TLL1: variants seen among roughly 807,000 people sequenced by gnomAD.
TLL1 encodes the protein tolloid like 1.
A neutral mutation model predicts 128.2 loss-of-function variants in TLL1; 49 were observed. The observed-to-expected ratio is 0.38, with a 90% confidence interval of 0.30 to 0.48. The LOEUF (loss-of-function observed/expected upper bound fraction) is 0.48, where lower values mean the gene tolerates loss of function less well. Ranked by LOEUF, TLL1 falls within the 20% of genes least tolerant of loss-of-function variation. The probability of loss-of-function intolerance (pLI) is 0.96; values close to 1 mark genes in which losing one functional copy is unlikely to be tolerated. For missense variants in TLL1, 1,123 were observed against 1,242.0 expected (o/e 0.90, Z 1.44); for synonymous variants, 454 against 418.8 (o/e 1.08, Z -1.03).
chr4:165,918,731 T>A (rs1732896430), intron 1 of TLL1, among the ~76,000 whole-genome samples: 1 of 152,140 alleles, frequency 6.6e-6, no homozygotes, highest in African/African-American at 2.4e-5. Context: ...TCCTCTAGTT[T>A]GTGTTTTTTA....
intron 1 of TLL1, among the ~76,000 whole-genome samples, chr4:165,981,304 C>T (rs562957261): frequency 6.6e-6 from 1 of 152,036 alleles, no homozygotes; most frequent in Non-Finnish European, 1.5e-5. Flanking sequence ...ATAAAATGCA[C>T]AGAAACCTGT....
chr4:165,975,833 T>A (rs1313659253), intron 1 of TLL1, among the ~76,000 whole-genome samples: 1 of 151,158 alleles, frequency 6.6e-6, no homozygotes, highest in African/African-American at 2.4e-5. Context: ...AGGTCAGGAG[T>A]TCGAGACCAG....
At chr4:166,007,812 G>A in intron 6 of TLL1, 131 bp from the exon 7 acceptor site, 1 of 698,758 alleles carries the variant, frequency 1.4e-6, no homozygotes, top group South Asian at 1.5e-5. Flanking sequence ...GTGCCTGTGT[G>A]TTTTGTATGT....
At chr4:166,054,290 T>C (rs1739897349) in intron 12 of TLL1, among the ~76,000 whole-genome samples, 2 of 152,132 alleles carry the variant, frequency 1.3e-5, no homozygotes, top group South Asian at 4.1e-4. Flanking sequence ...AGAACAGTAA[T>C]CCCATATTAT....
chr4:165,874,084 C>T lies in TLL1; in HGVS notation c.169+11C>T. ...ACCCGTGTAAAGCCGGTAAGTGGCT[C>T]TCCAGGTTGGGACGGTGGCGCGCCG... On this transcript the variant is annotated intron_variant, in intron 1 of 20. Transcript: ENST00000061240. 1 of 1,614,078 alleles carries T rather than the reference C, an allele frequency of 6.2e-7. No homozygotes were observed. The highest frequency in any genetic ancestry group is 8.5e-7 in the Non-Finnish European group (1 of 1,179,984).
intron 8 of TLL1, among the ~76,000 whole-genome samples, chr4:166,020,390 TG>T (rs1738165179): frequency 6.6e-6 from 1 of 152,170 alleles, no homozygotes; most frequent in Admixed American, 6.5e-5. Context: ...GGGAGGAGAA[TG>T]GTTATTATTA....
chr4:165,875,492 T>C (rs1013325533), intron 1 of TLL1, among the ~76,000 whole-genome samples: 1 of 152,214 alleles, frequency 6.6e-6, no homozygotes, highest in African/African-American at 2.4e-5. Context: ...CTCAGAATTC[T>C]GATTTAATTC....
chr4:166,030,466 T>G (rs1261327142), intron 9 of TLL1: 2 of 606,936 alleles, frequency 3.3e-6, no homozygotes, highest in Non-Finnish European at 3.0e-6. Context: ...GTATTTTCAC[T>G]CTGTTGATTG....
intron 1 of TLL1, among the ~76,000 whole-genome samples, chr4:165,899,115 C>G (rs752773231): frequency 6.7e-6 from 1 of 148,562 alleles, no homozygotes; most frequent in African/African-American, 2.4e-5. Context: ...TTTGATTCTT[C>G]TGTCTTTTGT....
At chr4:166,098,067 C>T (rs1579741648) in intron 19 of TLL1, among the ~76,000 whole-genome samples, 1 of 152,078 alleles carries the variant, frequency 6.6e-6, no homozygotes, top group Non-Finnish European at 1.5e-5. Context: ...GGTGTGGTGG[C>T]TCATGCATGT....
chr4:166,067,938 G>T (rs768034009), intron 16 of TLL1, among the ~76,000 whole-genome samples: 1 of 151,780 alleles, frequency 6.6e-6, no homozygotes, highest in Non-Finnish European at 1.5e-5. Context: ...CGTAAGAACT[G>T]ATCATGACCT....
chr4:166,099,411 T>G lies in TLL1; in HGVS notation c.2791T>G (p.Leu931Val), dbSNP rs1742179717. 6.2e-7 allele frequency: 1 copy of G among 1,613,444 alleles called. No homozygotes were observed. The highest frequency in any genetic ancestry group is 1.3e-5 in the African/African-American group (1 of 74,864). Residue 931 changes from leucine to valine, a missense_variant, in exon 20 of 21, where the codon TTA (leucine) becomes GTA (valine). Physicochemically the swap from Leu to Val is conservative, Grantham distance 32. Coordinates refer to ENST00000061240, the MANE Select transcript of TLL1 (RefSeq NM_012464.5). ...ATCAGAACGGGGCTCTCGACTTGAA[T>G]TATCCTTCCAGACATTTGAAGTGGA... ...LVSERGSRLE[L>V]SFQTFEVEEE...
At chr4:165,911,464 A>G (rs752667148) in intron 1 of TLL1, among the ~76,000 whole-genome samples, 6 of 152,314 alleles carry the variant, frequency 3.9e-5, no homozygotes, top group Admixed American at 6.5e-5. Context: ...AGGTTGATTC[A>G]TATCTTTGAT....
At chr4:166,099,790 A>G (rs190507157) in intron 20 of TLL1, among the ~76,000 whole-genome samples, 1 of 152,222 alleles carries the variant, frequency 6.6e-6, no homozygotes, top group Admixed American at 6.6e-5. Flanking sequence ...CCATTGTTCT[A>G]ACTTCTTATT....
chr4:165,939,105 C>G (rs1391847058), intron 1 of TLL1, among the ~76,000 whole-genome samples: 3 of 151,860 alleles, frequency 2.0e-5, no homozygotes, highest in African/African-American at 7.3e-5. Flanking sequence ...TGATCAGAAG[C>G]TCTATGTGCA....
chr4:165,942,438 G>T (rs1171202120), intron 1 of TLL1, among the ~76,000 whole-genome samples: 1 of 151,752 alleles, frequency 6.6e-6, no homozygotes, highest in African/African-American at 2.4e-5. Flanking sequence ...TTTTCATTTT[G>T]CATTGCAGTT....
At chr4:165,940,585 T>C (rs574985108) in intron 1 of TLL1, among the ~76,000 whole-genome samples, 14 of 152,186 alleles carry the variant, frequency 9.2e-5, no homozygotes, top group African/African-American at 3.1e-4. Context: ...GAATTCGTTA[T>C]ATGAAAAGGA....
intron 1 of TLL1, among the ~76,000 whole-genome samples, chr4:165,965,563 G>C (rs1010030311): frequency 1.3e-5 from 2 of 152,140 alleles, no homozygotes; most frequent in Non-Finnish European, 2.9e-5. Flanking sequence ...CTGAGAACTA[G>C]AAAAGGACTG....
intron 1 of TLL1, among the ~76,000 whole-genome samples, chr4:165,898,813 C>T (rs1731813582): frequency 6.6e-6 from 1 of 152,136 alleles, no homozygotes; most frequent in African/African-American, 2.4e-5. Flanking sequence ...GTACCAGCTC[C>T]TCTTTGTACC....
Sources: gnomAD v4.1 joint callset for allele counts (sites outside exome capture counted in the v4.1 genomes callset) on GRCh38, gnomAD v4.1.1 for gene constraint, MANE v1.5 for transcripts, NCBI Gene and HGNC (gene_info 2026-07-23, HGNC 2026-07-21) for gene names.